Variants in CSMD1 observed in about 807,000 individuals in gnomAD.
CSMD1 encodes CUB and Sushi multiple domains 1, also known as CUB and sushi domain-containing protein 1.
In CSMD1, 213 loss-of-function variants were observed where a neutral mutation model predicts 417.5. That is an observed-to-expected ratio of 0.51 (90% confidence interval 0.46 to 0.57). CSMD1 has a LOEUF of 0.57. Among genes scored for constraint, CSMD1 ranks in the 20% least tolerant of loss-of-function variants. CSMD1 has a pLI of 0.00. For synonymous variants in CSMD1, 2,862 were observed against 1,736.8 expected (o/e 1.65, Z -16.11); for missense variants, 6,923 against 4,529.7 (o/e 1.53, Z -15.17).
At chr8:4,916,662 G>A (rs1043381177) in intron 1 of CSMD1, among the ~76,000 whole-genome samples, 1 of 152,190 alleles carries the variant, frequency 6.6e-6, no homozygotes, top group Non-Finnish European at 1.5e-5. Flanking sequence ...TACACAAAGA[G>A]TCTAGGCATT....
intron 6 of CSMD1, among the ~76,000 whole-genome samples, chr8:3,750,645 G>A (rs1364368443): frequency 1.3e-5 from 2 of 152,038 alleles, no homozygotes; most frequent in African/African-American, 4.8e-5. Context: ...AGATTCAGCT[G>A]AACAAATGTT....
At chr8:4,005,199 A>G (rs1816014962) in intron 4 of CSMD1, among the ~76,000 whole-genome samples, 4 of 152,298 alleles carry the variant, frequency 2.6e-5, no homozygotes, top group South Asian at 4.2e-4. Context: ...CATACTGCAC[A>G]GGTGGTGGGT....
chr8:3,806,668 G>C (rs1311397194), intron 5 of CSMD1, among the ~76,000 whole-genome samples: 3 of 152,190 alleles, frequency 2.0e-5, no homozygotes, highest in Non-Finnish European at 4.4e-5. Context: ...TTGAGCACTT[G>C]AATAATCTTA....
intron 3 of CSMD1, among the ~76,000 whole-genome samples, chr8:4,108,490 T>C (rs538700930): frequency 4.1e-4 from 63 of 152,322 alleles, no homozygotes; most frequent in Middle Eastern, 3.4e-3. Flanking sequence ...TGGCAAGTGA[T>C]TGCTCTTATA....
Position 2,978,594 on chromosome 8 carries a change from G to A in CSMD1, c.8566+18C>T. 6.4e-7 allele frequency: 1 copy of A among 1,561,432 alleles called. No individual in the cohort carries two copies. The highest frequency in any genetic ancestry group is 8.7e-7 in the Non-Finnish European group (1 of 1,152,818). ...TGCAGGGGTCTCTGCACAGAAATTG[G>A]GAATAACCCTGACTTACCCAAACAC... is the stretch of plus-strand genomic sequence containing the variant. On this transcript the variant is annotated intron_variant, in intron 55 of 69. Transcript: ENST00000635120.
intron 1 of CSMD1, among the ~76,000 whole-genome samples, chr8:4,768,675 G>T (rs1796446643): frequency 1.3e-5 from 2 of 152,170 alleles, no homozygotes; most frequent in Non-Finnish European, 2.9e-5. Context: ...GGGAGGGAAA[G>T]GTGTTGGCGT....
intron 6 of CSMD1, among the ~76,000 whole-genome samples, chr8:3,735,154 A>AT (rs1262211597): frequency 6.6e-6 from 1 of 152,206 alleles, no homozygotes; most frequent in Non-Finnish European, 1.5e-5. Context: ...CAGCTGATAC[A>AT]TTCCCAAGTC....
At chr8:3,946,904 C>G (rs1354797391) in intron 5 of CSMD1, among the ~76,000 whole-genome samples, 1 of 152,134 alleles carries the variant, frequency 6.6e-6, no homozygotes, top group Non-Finnish European at 1.5e-5. Context: ...TCAAACCATG[C>G]AACAGTGCCA....
intron 4 of CSMD1, among the ~76,000 whole-genome samples, chr8:4,030,049 C>T (rs537241884): frequency 2.6e-5 from 4 of 152,246 alleles, no homozygotes; most frequent in South Asian, 2.1e-4. Context: ...GGCAGGTGTA[C>T]CCCTGTGACT....
At chr8:3,532,002 C>T (rs919994019) in intron 10 of CSMD1, among the ~76,000 whole-genome samples, 6 of 152,208 alleles carry the variant, frequency 3.9e-5, no homozygotes. Context: ...ATGCCCTATG[C>T]AGATGGCACA....
intron 1 of CSMD1, among the ~76,000 whole-genome samples, chr8:4,912,819 T>C (rs1346091261): frequency 6.6e-6 from 1 of 151,858 alleles, no homozygotes; most frequent in Non-Finnish European, 1.5e-5. Context: ...AGAGTCTTGC[T>C]CTGTCTCCTA....
intron 5 of CSMD1, among the ~76,000 whole-genome samples, chr8:3,832,573 T>G (rs75299998): frequency 0.068 from 10,337 of 152,080 alleles, 1,048 homozygotes; most frequent in African/African-American, 0.22. Context: ...TTTCAAGACG[T>G]AAAAAAACAA....
chr8:4,447,653 A>C (rs1798891998), intron 2 of CSMD1, among the ~76,000 whole-genome samples: 3 of 152,200 alleles, frequency 2.0e-5, no homozygotes, highest in Admixed American at 1.3e-4. Context: ...ACGGAAAAGG[A>C]AGGAATGGTT....
chr8:3,978,111 T>A (rs1813579631), intron 5 of CSMD1, among the ~76,000 whole-genome samples: 1 of 152,160 alleles, frequency 6.6e-6, no homozygotes, highest in African/African-American at 2.4e-5. Context: ...CTCATGGGGA[T>A]AACAAAACGA....
At chr8:3,562,417 A>ACATGCACACACACGTGCACAT (rs1554470709) in intron 10 of CSMD1, among the ~76,000 whole-genome samples, 3 of 145,330 alleles carry the variant, frequency 2.1e-5, no homozygotes, top group Non-Finnish European at 4.5e-5. Context: ...CACATGCACA[A>ACATGCACACACACGTGCACAT]ACACACATGC....
intron 1 of CSMD1, among the ~76,000 whole-genome samples, chr8:4,945,801 T>G (rs377254252): frequency 7.9e-5 from 12 of 152,174 alleles, no homozygotes; most frequent in African/African-American, 1.9e-4. Context: ...TGAGGTTAAG[T>G]AGGCAGCAGA....
At chr8:3,115,204 C>A (rs79240299) in intron 42 of CSMD1, among the ~76,000 whole-genome samples, 38 of 139,952 alleles carry the variant, frequency 2.7e-4, no homozygotes, top group African/African-American at 8.4e-4. Flanking sequence ...TCCCCCCCCC[C>A]CCTTTTTTTT....
At chr8:3,001,857 T>C (rs1807432465) in intron 52 of CSMD1, among the ~76,000 whole-genome samples, 1 of 152,190 alleles carries the variant, frequency 6.6e-6, no homozygotes, top group Non-Finnish European at 1.5e-5. Flanking sequence ...AATTACAAAA[T>C]TGTTGTCATA....
chr8:4,075,490 G>A (rs901740123), intron 3 of CSMD1, among the ~76,000 whole-genome samples: 3 of 152,006 alleles, frequency 2.0e-5, no homozygotes, highest in African/African-American at 4.8e-5. Context: ...AAAATAAAGT[G>A]GCAAATGAAT....
Sources: allele counts gnomAD v4.1 joint callset (sites outside exome capture counted in the v4.1 genomes callset), GRCh38; gene constraint gnomAD v4.1.1; transcripts MANE v1.5; gene names NCBI Gene and HGNC (gene_info 2026-07-23, HGNC 2026-07-21).